The following PRKAG2 variants were observed in gnomAD, a reference collection of about 807,000 sequenced individuals.
PRKAG2 encodes the protein 5'-AMP-activated protein kinase subunit gamma-2.
In PRKAG2, 26 loss-of-function variants were observed where a neutral mutation model predicts 69.6. That is an observed-to-expected ratio of 0.37 (90% CI 0.27 to 0.52). The LOEUF (loss-of-function observed/expected upper bound fraction) is 0.52, where lower values mean the gene tolerates loss of function less well. PRKAG2 is among the 20% of genes least tolerant of loss of function. The probability of loss-of-function intolerance (pLI) is 0.90; values close to 1 mark genes in which losing one functional copy is unlikely to be tolerated. For synonymous variants in PRKAG2, 293 were observed against 285.0 expected (o/e 1.03, Z -0.28); for missense variants, 557 against 740.0 (o/e 0.75, Z 2.87).
At chr7:151,707,520 C>T (rs1464524151) in intron 3 of PRKAG2, among the ~76,000 whole-genome samples, 5 of 152,136 alleles carry the variant, frequency 3.3e-5, no homozygotes, top group Non-Finnish European at 7.4e-5. Flanking sequence ...ACACTGTTGG[C>T]TCTGGGGGAG....
chr7:151,618,178 C>T (rs748791736), intron 5 of PRKAG2, among the ~76,000 whole-genome samples: 7 of 152,050 alleles, frequency 4.6e-5, no homozygotes, highest in Non-Finnish European at 8.8e-5. Context: ...TAAGGTCGGG[C>T]GTGGTGGCTC....
intron 3 of PRKAG2, among the ~76,000 whole-genome samples, chr7:151,746,779 G>A (rs1238135907): frequency 1.3e-5 from 2 of 152,188 alleles, no homozygotes; most frequent in East Asian, 3.9e-4. Context: ...AGAGCGCTGG[G>A]CTCCACGATT....
intron 4 of PRKAG2, among the ~76,000 whole-genome samples, chr7:151,643,882 G>A (rs1489146319): frequency 6.6e-6 from 1 of 152,130 alleles, no homozygotes; most frequent in African/African-American, 2.4e-5. Flanking sequence ...ACAATTATAC[G>A]ATGGAATACT....
At chr7:151,662,417 T>C (rs1199165977) in intron 4 of PRKAG2, among the ~76,000 whole-genome samples, 2 of 152,180 alleles carry the variant, frequency 1.3e-5, no homozygotes, top group African/African-American at 4.8e-5. Flanking sequence ...AGAGTCCCCC[T>C]AGAGTCCTCT....
chr7:151,762,250 T>C (rs1104840), intron 3 of PRKAG2, among the ~76,000 whole-genome samples: 67,413 of 152,078 alleles, frequency 0.44, 15,288 homozygotes, highest in East Asian at 0.74. Context: ...CAGGATCCCC[T>C]ACACGCATCT....
chr7:151,784,895 G>A (rs572210573), intron 2 of PRKAG2, among the ~76,000 whole-genome samples: 53 of 152,276 alleles, frequency 3.5e-4, no homozygotes, highest in Non-Finnish European at 6.0e-4. Flanking sequence ...CCCTCTCACC[G>A]GGAACCTTGG....
At chr7:151,573,226 T>C (rs1009827034) in intron 8 of PRKAG2, among the ~76,000 whole-genome samples, 1 of 151,168 alleles carries the variant, frequency 6.6e-6, no homozygotes, top group African/African-American at 2.4e-5. Flanking sequence ...AGTGCGATCA[T>C]GACTCACTGC....
At chr7:151,785,206 G>C (rs576228174) in intron 2 of PRKAG2, among the ~76,000 whole-genome samples, 11 of 152,266 alleles carry the variant, frequency 7.2e-5, no homozygotes, top group Non-Finnish European at 1.6e-4. Flanking sequence ...GCAGCTGCCA[G>C]AGAGGAAGCT....
intron 1 of PRKAG2, among the ~76,000 whole-genome samples, chr7:151,800,261 G>A (rs1318453964): frequency 3.9e-5 from 6 of 151,904 alleles, no homozygotes; most frequent in African/African-American, 1.2e-4. Context: ...GGGAGGCTGA[G>A]GCAGGAGAAT....
chr7:151,718,019 C>G (rs951919014), intron 3 of PRKAG2, among the ~76,000 whole-genome samples: 1 of 152,186 alleles, frequency 6.6e-6, no homozygotes, highest in Non-Finnish European at 1.5e-5. Flanking sequence ...ATGTGAGGGT[C>G]GTCCTGGGCC....
At chr7:151,837,879 C>T (rs1043620604) in intron 1 of PRKAG2, among the ~76,000 whole-genome samples, 1 of 152,196 alleles carries the variant, frequency 6.6e-6, no homozygotes, top group Non-Finnish European at 1.5e-5. Flanking sequence ...ACAGCAGCTT[C>T]TCCTCCGGTA....
intron 3 of PRKAG2, among the ~76,000 whole-genome samples, chr7:151,765,418 C>T (rs2151765950): frequency 6.6e-6 from 1 of 152,292 alleles, no homozygotes; most frequent in Middle Eastern, 3.4e-3. Context: ...GCCCCTCCTC[C>T]AACATGTGGG....
intron 6 of PRKAG2, among the ~76,000 whole-genome samples, chr7:151,576,788 AC>A (rs1809053044): frequency 6.6e-6 from 1 of 152,214 alleles, no homozygotes; most frequent in South Asian, 2.1e-4. Context: ...GGCGTGAGCC[AC>A]CGCACCTGGC....
Position 151,573,350 on chromosome 7 carries a change from T to G in PRKAG2, c.1006-641A>C, listed in dbSNP as rs1207000449. The stretch of plus-strand genomic sequence containing the variant: ...TTTTGTGGGTTTTTTTTTTTTTTTT[T>G]TTTTTTTTTTTGTAGAGATGGGGTT... On this transcript the variant is annotated intron_variant, in intron 8 of 15. Transcript: ENST00000287878. 5.1e-5 allele frequency among the ~76,000 whole-genome samples: 7 copies of G among 136,536 alleles called. No homozygotes were observed. In the East Asian group the frequency reaches 1.5e-3, roughly 30 times the overall value. 89.6% of individuals were successfully genotyped at this position (136,536 alleles called of 152,430 possible).
intron 3 of PRKAG2, among the ~76,000 whole-genome samples, chr7:151,707,774 G>A (rs144395010): frequency 6.6e-6 from 1 of 152,156 alleles, no homozygotes; most frequent in Non-Finnish European, 1.5e-5. Context: ...CGGCCAGCCA[G>A]GGAGCTGGGC....
intron 3 of PRKAG2, among the ~76,000 whole-genome samples, chr7:151,753,752 C>T (rs117076663): frequency 0.019 from 2,867 of 152,172 alleles, 52 homozygotes; most frequent in Admixed American, 0.053. Flanking sequence ...TTAAGAAATA[C>T]AGGCTGAGCA....
chr7:151,838,533 C>A (rs2079195944), intron 1 of PRKAG2, among the ~76,000 whole-genome samples: 1 of 151,680 alleles, frequency 6.6e-6, no homozygotes, highest in African/African-American at 2.4e-5. Context: ...CATGGTAAAA[C>A]CCGTCTCTAC....
chr7:151,621,453 TG>T (rs1480512342), intron 5 of PRKAG2, among the ~76,000 whole-genome samples: 1 of 152,116 alleles, frequency 6.6e-6, no homozygotes, highest in Non-Finnish European at 1.5e-5. Context: ...GAGGCTGATG[TG>T]GAAGGATGGC....
intron 1 of PRKAG2, among the ~76,000 whole-genome samples, chr7:151,811,246 G>A (rs1204281729): frequency 6.6e-6 from 1 of 152,160 alleles, no homozygotes; most frequent in Non-Finnish European, 1.5e-5. Flanking sequence ...CTGAAGAGAG[G>A]GACCTGCTAT....
Sources: allele counts gnomAD v4.1 joint callset (sites outside exome capture counted in the v4.1 genomes callset), GRCh38; gene constraint gnomAD v4.1.1; transcripts MANE v1.5; gene names NCBI Gene and HGNC (gene_info 2026-07-23, HGNC 2026-07-21).